LYST: variants seen among roughly 807,000 people sequenced by gnomAD.
LYST encodes lysosomal trafficking regulator.
LYST carries 192 observed loss-of-function variants against 413.6 expected under a neutral mutation model. The ratio of observed to expected loss-of-function variants is 0.46; its 90% CI spans 0.41 to 0.52. The LOEUF is 0.52. Among genes scored for constraint, LYST ranks in the 20% least tolerant of loss-of-function variants. The pLI is 0.00. For synonymous variants in LYST, 1,525 were observed against 1,567.3 expected, an observed-to-expected ratio of 0.97 and a Z score of 0.64; for missense variants, 3,815 against 4,499.9, an observed-to-expected ratio of 0.85 and a Z score of 4.35.
rs566084430 is a variant in LYST, at chr1:235,684,635, C to G, written c.10800+2314G>C. Among the ~76,000 whole-genome samples, 5 of 152,222 alleles carry G rather than the reference C, an allele frequency of 3.3e-5. No homozygotes were observed. The East Asian group carries it at 9.7e-4, about 29-fold the overall frequency. On this transcript the variant is annotated intron_variant, in intron 48 of 52. Transcript: ENST00000389793. ...TTATAACCTTTTTTAAAAACAATTT[C>G]AGTCAGGTCTCACTCTGCCGCCCAG...
intron 1 of LYST, among the ~76,000 whole-genome samples, chr1:235,876,863 G>A (rs956718693): frequency 6.6e-6 from 1 of 152,192 alleles, no homozygotes; most frequent in Admixed American, 6.5e-5. Context: ...TAGATGGTAC[G>A]AGTTATACGG....
chr1:235,871,922 C>T (rs1295262430), intron 1 of LYST, among the ~76,000 whole-genome samples: 2 of 152,104 alleles, frequency 1.3e-5, no homozygotes, highest in Non-Finnish European at 2.9e-5. Flanking sequence ...CTCAACCCTC[C>T]CAGGGTTCCT....
chr1:235,753,602 AATTATT>A (rs1277655131), intron 25 of LYST, among the ~76,000 whole-genome samples: 1 of 152,150 alleles, frequency 6.6e-6, no homozygotes, highest in Non-Finnish European at 1.5e-5. Flanking sequence ...TGCACAGGAA[AATTATT>A]ATTATTATTT....
rs768951933 is a variant in LYST at position 235,810,584 on chromosome 1, C to T, written c.284-50G>A. The T allele has an allele frequency of 2.6e-6, 4 of 1,531,934 alleles. No individual in the cohort carries two copies. The South Asian group carries it at 4.5e-5, about 17-fold the overall frequency. 94.9% of individuals were successfully genotyped at this position (1,531,934 alleles called of 1,614,324 possible). A position where few individuals can be genotyped will look rare whatever the true frequency, so the allele number is the denominator to read the frequency against. ...TAGAATACCTCAATATGTTTTAAAACTCAATTTTAAGGTGACAGCCCTCTT... is the reference window on the plus strand; with the variant it reads ...TAGAATACCTCAATATGTTTTAAAATTCAATTTTAAGGTGACAGCCCTCTT... On this transcript the variant is annotated intron_variant, in intron 4 of 52. Transcript: ENST00000389793.
In LYST at chr1:235,726,333, G is replaced by C. The variant is rs143495771; in HGVS notation, c.9162+1743C>G. On this transcript the variant is annotated intron_variant, in intron 38 of 52. Transcript: ENST00000389793. ...TGGTCCAAAATAATTTTTATAAGTA[G>C]AGGCAGGGAATATATTATGAATAAA... 2.5e-3 allele frequency among the ~76,000 whole-genome samples: 376 copies of C among 152,004 alleles called. 1 individual carries two copies. Among genetic ancestry groups the C allele is most frequent in the African/African-American group, 8.6e-3 (357 of 41,448 alleles).
chr1:235,818,776 G>A (rs6667412), intron 3 of LYST, among the ~76,000 whole-genome samples: 9,198 of 152,172 alleles, frequency 0.06, 938 homozygotes, highest in African/African-American at 0.21. Flanking sequence ...AAAGTGCTAC[G>A]GACACGCTGT....
At chr1:235,701,674 T>C (rs1235668046) in intron 45 of LYST, among the ~76,000 whole-genome samples, 2 of 152,164 alleles carry the variant, frequency 1.3e-5, no homozygotes, top group Admixed American at 1.3e-4. Context: ...TAGTTAAAAA[T>C]AGTGACCCTG....
At chr1:235,773,274 C>G (rs1451340285) in intron 19 of LYST, among the ~76,000 whole-genome samples, 1 of 151,626 alleles carries the variant, frequency 6.6e-6, no homozygotes, top group Non-Finnish European at 1.5e-5. Context: ...GCCAAGATCA[C>G]GCCACTGCAC....
At chr1:235,841,732 T>C (rs1677234159) in intron 1 of LYST, among the ~76,000 whole-genome samples, 1 of 152,094 alleles carries the variant, frequency 6.6e-6, no homozygotes, top group Non-Finnish European at 1.5e-5. Flanking sequence ...CATCATCCTC[T>C]GAGGCTGAGG....
chr1:235,759,331 A>G lies in LYST; in HGVS notation c.6522T>C (p.Val2174=). ...CTGAGAGGACAGCTTCCATTTCACA[A>G]ACAGTTTTTGCAGACTCACAGCTAC... is the stretch of plus-strand genomic sequence containing the variant. ...FISSCESAKT[V]CEMEAVLSAQ... Residue 2174 remains valine, a synonymous_variant, in exon 23 of 53, where the codon GTT becomes GTC. Transcript: ENST00000389793. The G allele has an allele frequency of 4.3e-6, 7 of 1,614,128 alleles. No homozygotes were observed. Among genetic ancestry groups the G allele is most frequent in the Non-Finnish European group, 5.9e-6 (7 of 1,180,016 alleles).
In LYST at chr1:235,676,302, G is replaced by A. The variant is rs571200039; in HGVS notation, c.11038+789C>T. 3.9e-5 allele frequency among the ~76,000 whole-genome samples: 6 copies of A among 152,182 alleles called. No homozygotes were observed. In the South Asian group the frequency reaches 6.2e-4, roughly 16 times the overall value. Reference sequence around the variant, plus strand: ...GTCAGGAGTGTTAAATAAAATTTACGGGAGGCCAATGTTTTAGACTGAGCT... The same window carrying A: ...GTCAGGAGTGTTAAATAAAATTTACAGGAGGCCAATGTTTTAGACTGAGCT... On this transcript the variant is annotated intron_variant, in intron 50 of 52. Transcript: ENST00000389793.
Position 235,741,477 on chromosome 1 carries a change from A to G in LYST, c.8303T>C (p.Val2768Ala), listed in dbSNP as rs1179873936. 1.9e-6 allele frequency: 3 copies of G among 1,614,158 alleles called. No homozygotes were observed. The highest frequency in any genetic ancestry group is 2.5e-6 in the Non-Finnish European group (3 of 1,180,014). Residue 2768 changes from valine to alanine, a missense_variant, in exon 31 of 53, where the codon GTT becomes GCT. Transcript: ENST00000389793. ...TATTTCCTGATGATTTGGTTCATGA[A>G]CTATTTCAAAAATTTGCTTTCTCTC... is the stretch of plus-strand genomic sequence containing the variant. ...AQERKQIFEI[V>A]HEPNHQEILR...
At chr1:235,881,274 A>G (rs911135248) in intron 1 of LYST, among the ~76,000 whole-genome samples, 5 of 152,230 alleles carry the variant, frequency 3.3e-5, no homozygotes, top group Non-Finnish European at 7.3e-5. Context: ...TTCTGTGTGG[A>G]AAACATACTT....
chr1:235,787,130 G>T, intron 14 of LYST, 70 bp downstream of exon 14: 1 of 1,166,714 alleles, frequency 8.6e-7, no homozygotes, highest in Non-Finnish European at 1.3e-6. Context: ...TGTTTCAGAA[G>T]CTATAATTGA....
intron 14 of LYST, among the ~76,000 whole-genome samples, chr1:235,786,369 G>A (rs947620517): frequency 3.9e-5 from 6 of 152,212 alleles, no homozygotes; most frequent in African/African-American, 1.2e-4. Context: ...ACACCAGTTA[G>A]AATGGCAATC....
chr1:235,676,964 A>G (rs1558106090), intron 50 of LYST, 127 bp downstream of exon 50: 6 of 742,786 alleles, frequency 8.1e-6, no homozygotes, highest in Middle Eastern at 2.3e-4. Flanking sequence ...ATACACATAC[A>G]TGCTGTTACC....
chr1:235,699,252 G>A (rs975215691), intron 45 of LYST, among the ~76,000 whole-genome samples: 9 of 151,988 alleles, frequency 5.9e-5, no homozygotes, highest in South Asian at 4.1e-4. Flanking sequence ...CAACTCCACC[G>A]CGTGGCCCCA....
intron 12 of LYST, chr1:235,791,471 G>T: frequency 2.0e-6 from 1 of 496,198 alleles, no homozygotes; most frequent in East Asian, 3.8e-5. Context: ...AGTTGTATAT[G>T]TGGTGTCCCC....
At chr1:235,731,870 C>T (rs903420875) in intron 34 of LYST, among the ~76,000 whole-genome samples, 1 of 152,072 alleles carries the variant, frequency 6.6e-6, no homozygotes, top group Non-Finnish European at 1.5e-5. Context: ...ATTTTGCCTA[C>T]TCTCTAATGA....
Sources: allele counts gnomAD v4.1 joint callset (sites outside exome capture counted in the v4.1 genomes callset), GRCh38; gene constraint gnomAD v4.1.1; transcripts MANE v1.5; gene names NCBI Gene and HGNC (gene_info 2026-07-23, HGNC 2026-07-21).